Variants in CACNA1C observed in about 807,000 individuals in gnomAD.
CACNA1C encodes calcium voltage-gated channel subunit alpha1 C.
Under a neutral mutation model 229.0 loss-of-function variants are expected in CACNA1C, and 30 were observed. That is an observed-to-expected ratio of 0.13 (90% confidence interval 0.10 to 0.18). The LOEUF (loss-of-function observed/expected upper bound fraction) is 0.18, where lower values mean the gene tolerates loss of function less well. CACNA1C is among the 10% of genes least tolerant of loss of function. The pLI, the probability that CACNA1C is intolerant of heterozygous loss-of-function variation, is 1.00. For missense variants in CACNA1C, 1,658 were observed against 2,845.0 expected, an observed-to-expected ratio of 0.58 and a Z score of 9.49; for synonymous variants, 1,114 against 1,132.5, an observed-to-expected ratio of 0.98 and a Z score of 0.33.
Position 2,653,159 on chromosome 12 carries a change from G to A in CACNA1C, c.4075-676G>A, listed in dbSNP as rs938681995. Among the ~76,000 whole-genome samples the A allele has an allele frequency of 5.3e-5, 8 of 152,234 alleles. No individual in the cohort carries two copies. The highest frequency in any genetic ancestry group is 8.8e-5 in the Non-Finnish European group (6 of 68,040). The stretch of plus-strand genomic sequence containing the variant: ...AGATAATGCATGGAGCGAATAGAGC[G>A]TATGGAACCCAGCTCTGCAAGGCAT... On this transcript the variant is annotated intron_variant, in intron 32 of 46. Transcript: ENST00000399655. The surrounding 1 kb of genome is among the most constrained non-coding windows in gnomAD (Gnocchi z 4.7).
At chr12:2,663,900 C>T (rs2095913774) in intron 34 of CACNA1C, among the ~76,000 whole-genome samples, 1 of 152,058 alleles carries the variant, frequency 6.6e-6, no homozygotes, top group South Asian at 2.1e-4. Flanking sequence ...CACCACCGCG[C>T]CCGGCTAATT....
intron 3 of CACNA1C, among the ~76,000 whole-genome samples, chr12:2,307,436 A>G (rs998681193): frequency 2.6e-5 from 4 of 152,236 alleles, no homozygotes; most frequent in Admixed American, 2.6e-4. Context: ...CAGCTGAGCC[A>G]GGACTAGCAC....
intron 9 of CACNA1C, among the ~76,000 whole-genome samples, chr12:2,531,295 A>T (rs1005236558): frequency 6.6e-6 from 1 of 152,156 alleles, no homozygotes; most frequent in Admixed American, 6.5e-5. Flanking sequence ...GTAACCCCCC[A>T]GAATCATGAG....
At chr12:1,983,746 G>T (rs900997242) in intron 1 of CACNA1C, among the ~76,000 whole-genome samples, 1 of 151,916 alleles carries the variant, frequency 6.6e-6, no homozygotes, top group African/African-American at 2.4e-5. Context: ...TTAGTTGATA[G>T]TGTTGTTCAA....
intron 3 of CACNA1C, among the ~76,000 whole-genome samples, 168 bp from the exon 4 acceptor site, chr12:2,448,808 G>T (rs2099325979): frequency 6.6e-6 from 1 of 151,970 alleles, no homozygotes; most frequent in Non-Finnish European, 1.5e-5. Flanking sequence ...TGCTGTCGCG[G>T]TAGAGCAGGT....
chr12:2,529,484 G>A (rs981377522), intron 9 of CACNA1C, among the ~76,000 whole-genome samples: 4 of 152,210 alleles, frequency 2.6e-5, no homozygotes, highest in African/African-American at 9.7e-5. Flanking sequence ...GGCAATCAAT[G>A]AATATTGGTT....
At chr12:2,501,356 G>A (rs1046336536) in intron 7 of CACNA1C, among the ~76,000 whole-genome samples, 20 of 152,140 alleles carry the variant, frequency 1.3e-4, no homozygotes, top group African/African-American at 4.6e-4. Flanking sequence ...CTTGGATCCA[G>A]GTTTCCCTCT....
chr12:1,979,717 G>A (rs535343239), intron 1 of CACNA1C, among the ~76,000 whole-genome samples: 26 of 152,348 alleles, frequency 1.7e-4, no homozygotes, highest in African/African-American at 6.3e-4. Flanking sequence ...AGTAGTTGTA[G>A]CATATTACTC....
intron 3 of CACNA1C, among the ~76,000 whole-genome samples, chr12:2,162,996 C>G (rs971605750): frequency 2.6e-5 from 4 of 151,988 alleles, no homozygotes; most frequent in Non-Finnish European, 4.4e-5. Flanking sequence ...GACTGGAGTT[C>G]GAGACCAGCC....
At chr12:2,253,676 C>T (rs2076393486) in intron 3 of CACNA1C, among the ~76,000 whole-genome samples, 1 of 152,230 alleles carries the variant, frequency 6.6e-6, no homozygotes, top group South Asian at 2.1e-4. Flanking sequence ...TAAAATCAAG[C>T]ACATTCACAC....
At chr12:2,571,554 C>A (rs900366832) in intron 13 of CACNA1C, among the ~76,000 whole-genome samples, 1 of 152,116 alleles carries the variant, frequency 6.6e-6, no homozygotes, top group African/African-American at 2.4e-5. Flanking sequence ...TTTTTAATCA[C>A]CAATTTATTT....
rs548056896 is a variant in CACNA1C at position 2,451,834 on chromosome 12, T to C, written c.617+2719T>C. On this transcript the variant is annotated intron_variant, in intron 4 of 46. Coordinates refer to ENST00000399655, the MANE Select transcript of CACNA1C (RefSeq NM_000719.7). ...GCTCCTGTTTCTAAGCCACAGAGGT[T>C]AAGATGCCAGCAGTTGCCCAGCTCG... 5.9e-5 allele frequency among the ~76,000 whole-genome samples: 9 copies of C among 152,332 alleles called. No individual in the cohort carries two copies. The South Asian group carries it at 6.2e-4, about 11-fold the overall frequency.
At chr12:2,483,333 G>A (rs927935993) in intron 5 of CACNA1C, among the ~76,000 whole-genome samples, 10 of 152,236 alleles carry the variant, frequency 6.6e-5, no homozygotes, top group Admixed American at 4.6e-4. Context: ...ATGTTCCAGT[G>A]TGTACTTTAG....
chr12:2,154,283 CAG>C (rs2095439611), intron 3 of CACNA1C, among the ~76,000 whole-genome samples: 1 of 152,196 alleles, frequency 6.6e-6, no homozygotes, highest in Non-Finnish European at 1.5e-5. Flanking sequence ...CGGGGAGGGA[CAG>C]GGGATGGTAC....
intron 29 of CACNA1C, among the ~76,000 whole-genome samples, chr12:2,621,408 G>A (rs779580035): frequency 1.6e-4 from 24 of 152,170 alleles, no homozygotes; most frequent in South Asian, 4.1e-4. Context: ...AGCTCAGCTC[G>A]CTCTGGAAAC....
rs17801283 is a variant in CACNA1C, at chr12:2,600,155, A to G, written c.2854-1699A>G. On this transcript the variant is annotated intron_variant, in intron 21 of 46. Coordinates refer to ENST00000399655, the MANE Select transcript of CACNA1C (RefSeq NM_000719.7). The stretch of plus-strand genomic sequence containing the variant: ...GAAGTACTGGGCTTTCTGCAGGCAC[A>G]ATTAATATGAATTATGGGAGCCTCC... Among the ~76,000 whole-genome samples, 707 of 152,296 alleles carry G rather than the reference A, an allele frequency of 4.6e-3. 9 individuals carry two copies. The highest frequency in any genetic ancestry group is 0.029 in the Admixed American group (445 of 15,302).
intron 1 of CACNA1C, among the ~76,000 whole-genome samples, chr12:1,974,720 TA>T (rs2033749742): frequency 6.6e-6 from 1 of 152,146 alleles, no homozygotes; most frequent in African/African-American, 2.4e-5. Flanking sequence ...CTTACATATA[TA>T]AGCACCTGAA....
chr12:2,626,925 G>A (rs1443365632), intron 29 of CACNA1C, among the ~76,000 whole-genome samples: 6 of 152,134 alleles, frequency 3.9e-5, no homozygotes, highest in Admixed American at 6.5e-5. Flanking sequence ...ATAAATGGAC[G>A]AAGGCCTTCA....
At chr12:2,659,599 C>G (rs756386119) in intron 34 of CACNA1C, among the ~76,000 whole-genome samples, 2 of 151,612 alleles carry the variant, frequency 1.3e-5, no homozygotes, top group African/African-American at 2.4e-5. Context: ...AAATTCAGAG[C>G]CTGAAATTTA....
Sources: gnomAD v4.1 joint callset for allele counts (sites outside exome capture counted in the v4.1 genomes callset) on GRCh38, gnomAD v4.1.1 for gene constraint, Gnocchi (gnomAD v3.1) non-coding constraint, MANE v1.5 for transcripts, NCBI Gene and HGNC (gene_info 2026-07-23, HGNC 2026-07-21) for gene names.